NPSR1: variants seen among roughly 807,000 people sequenced by gnomAD.
The protein encoded by NPSR1 is neuropeptide S receptor 1.
NPSR1 carries 48 observed loss-of-function variants against 46.9 expected under a neutral mutation model. The ratio of observed to expected loss-of-function variants is 1.02; its 90% CI spans 0.81 to 1.30. The LOEUF (loss-of-function observed/expected upper bound fraction) is 1.30, where lower values mean the gene tolerates loss of function less well. NPSR1 is among the 50% of genes most tolerant of loss of function. NPSR1 has a pLI of 0.00. For missense variants in NPSR1, 450 were observed against 449.5 expected, an observed-to-expected ratio of 1.00 and a Z score of -0.01; for synonymous variants, 176 against 168.1, an observed-to-expected ratio of 1.05 and a Z score of -0.36.
chr7:34,672,791 G>A (rs1474329532), intron 1 of NPSR1, among the ~76,000 whole-genome samples: 1 of 152,156 alleles, frequency 6.6e-6, no homozygotes, highest in Non-Finnish European at 1.5e-5. Context: ...GGCAATTCAG[G>A]TGAAGACAAC....
At position 34,857,304 on chromosome 7, in the gene NPSR1, C is replaced by T. The variant is rs570001301; in HGVS notation, c.1025+8641C>T. Among the ~76,000 whole-genome samples, 8 of 151,570 alleles carry T rather than the reference C, an allele frequency of 5.3e-5. No individual in the cohort carries two copies. The South Asian group carries it at 6.2e-4, about 12-fold the overall frequency. On this transcript the variant is annotated intron_variant, in intron 8 of 8. Coordinates refer to the NPSR1 transcript ENST00000359791. ...AAATGCAAAGGGCCAAAAATAGCCACGACACTGTTGACTAAAAAGGAAAAA... is the reference window on the plus strand; with the variant it reads ...AAATGCAAAGGGCCAAAAATAGCCATGACACTGTTGACTAAAAAGGAAAAA...
At chr7:34,874,970 G>C (rs1008636400) in intron 8 of NPSR1, among the ~76,000 whole-genome samples, 1 of 152,136 alleles carries the variant, frequency 6.6e-6, no homozygotes, top group Admixed American at 6.5e-5. Flanking sequence ...CTCCTGGGAA[G>C]TACTTCCTCT....
chr7:34,682,161 A>G (rs1792673358), intron 1 of NPSR1, among the ~76,000 whole-genome samples: 1 of 152,164 alleles, frequency 6.6e-6, no homozygotes, highest in African/African-American at 2.4e-5. Context: ...TCCCTAGAAG[A>G]CTCAGAATGT....
intron 2 of NPSR1, among the ~76,000 whole-genome samples, chr7:34,744,477 A>G (rs574264370): frequency 1.8e-4 from 27 of 152,236 alleles, no homozygotes; most frequent in South Asian, 8.3e-4. Flanking sequence ...AAGGACCCCA[A>G]TTTTGCTGGG....
At position 34,732,079 on chromosome 7, in the gene NPSR1, CAAAAAA is replaced by C. The variant is rs535991989; in HGVS notation, c.281-46364_281-46359del. Among the ~76,000 whole-genome samples the C allele has an allele frequency of 3.9e-4, 37 of 93,888 alleles. No individual in the cohort carries two copies. The South Asian group carries it at 4.1e-3, about 10-fold the overall frequency. 61.6% of individuals were successfully genotyped at this position (93,888 alleles called of 152,430 possible). On this transcript the variant is annotated intron_variant, in intron 2 of 8. Coordinates refer to ENST00000360581, the MANE Select transcript of NPSR1 (RefSeq NM_207172.2). ...TGGGTGACAGAGTGAGACTTCATCT[CAAAAAA>C]AAAAAAAAAAAAAAAAAATAGCAAC... is the stretch of plus-strand genomic sequence containing the variant.
intron 6 of NPSR1, among the ~76,000 whole-genome samples, chr7:34,842,022 C>G (rs1052307355): frequency 6.6e-6 from 1 of 152,156 alleles, no homozygotes; most frequent in Non-Finnish European, 1.5e-5. Context: ...CGTAATAATA[C>G]CTTCTGTTCA....
intron 8 of NPSR1, among the ~76,000 whole-genome samples, chr7:34,857,265 T>C (rs866717215): frequency 1.3e-5 from 2 of 151,694 alleles, no homozygotes; most frequent in Non-Finnish European, 1.5e-5. Flanking sequence ...AAGTTGTCTC[T>C]AAAATTTATA....
At chr7:34,866,110 C>T (rs956075350) in intron 8 of NPSR1, among the ~76,000 whole-genome samples, 49 of 151,854 alleles carry the variant, frequency 3.2e-4, no homozygotes, top group Non-Finnish European at 8.8e-5. Flanking sequence ...AGGGACAATA[C>T]CCTGCATAGC....
intron 2 of NPSR1, among the ~76,000 whole-genome samples, chr7:34,767,546 C>T (rs867102901): frequency 6.6e-6 from 1 of 151,962 alleles, no homozygotes; most frequent in African/African-American, 2.4e-5. Context: ...GAAGATAGAT[C>T]CATAAAAATT....
At position 34,811,776 on chromosome 7, in the gene NPSR1, C is replaced by T; in HGVS notation, c.391C>T (p.Leu131=). Residue 131 remains leucine, a synonymous_variant, in exon 4 of 9, where the codon CTG becomes TTG. Transcript: ENST00000360581. ...CRVVRYLQVV[L]LYASTYVLVS... ...CTCTCATTTCTGTCTTTAGGTTGTGCTGCTCTACGCCTCTACCTACGTCCT... is the reference window on the plus strand; with the variant it reads ...CTCTCATTTCTGTCTTTAGGTTGTGTTGCTCTACGCCTCTACCTACGTCCT... 6.2e-7 allele frequency: 1 copy of T among 1,609,012 alleles called. No homozygotes were observed. Among genetic ancestry groups the T allele is most frequent in the Non-Finnish European group, 8.5e-7 (1 of 1,177,028 alleles).
intron 2 of NPSR1, among the ~76,000 whole-genome samples, chr7:34,694,521 C>T (rs1180403870): frequency 6.6e-6 from 1 of 152,094 alleles, no homozygotes; most frequent in East Asian, 1.9e-4. Context: ...TTGTAGATAA[C>T]ACACATGACT....
chr7:34,673,874 G>C (rs35463932), intron 1 of NPSR1, among the ~76,000 whole-genome samples: 222 of 152,208 alleles, frequency 1.5e-3, no homozygotes, highest in African/African-American at 5.0e-3. Flanking sequence ...ACAATCCTGG[G>C]TAATCCAGGA....
At chr7:34,824,716 G>T (rs1789738741) in intron 4 of NPSR1, among the ~76,000 whole-genome samples, 1 of 145,568 alleles carries the variant, frequency 6.9e-6, no homozygotes, top group Non-Finnish European at 1.5e-5. Context: ...TGGAAACTTT[G>T]TGGGGCCCAG....
At chr7:34,671,342 G>A (rs1355838426) in intron 1 of NPSR1, among the ~76,000 whole-genome samples, 1 of 152,094 alleles carries the variant, frequency 6.6e-6, no homozygotes, top group Non-Finnish European at 1.5e-5. Flanking sequence ...TTTCTAGAGT[G>A]AGCACATATT....
At chr7:34,692,151 TA>T (rs869275120) in intron 2 of NPSR1, among the ~76,000 whole-genome samples, 1 of 151,032 alleles carries the variant, frequency 6.6e-6, no homozygotes, top group East Asian at 2.0e-4. Context: ...CGAAACAAAA[TA>T]AAAAGAAAGA....
At chr7:34,783,223 G>T (rs974833113) in intron 3 of NPSR1, among the ~76,000 whole-genome samples, 6 of 152,126 alleles carry the variant, frequency 3.9e-5, no homozygotes, top group Non-Finnish European at 7.4e-5. Context: ...TAATTTATAA[G>T]GGAAAGAGCT....
chr7:34,798,953 A>G (rs1297482178), intron 3 of NPSR1, among the ~76,000 whole-genome samples: 1 of 152,178 alleles, frequency 6.6e-6, no homozygotes, highest in East Asian at 1.9e-4. Flanking sequence ...ATGCAGTAAA[A>G]GCAGTTCTTT....
At chr7:34,841,348 A>G (rs1352596148) in intron 6 of NPSR1, among the ~76,000 whole-genome samples, 2 of 152,178 alleles carry the variant, frequency 1.3e-5, no homozygotes, top group African/African-American at 4.8e-5. Context: ...TGGTCTTGGG[A>G]AGGTGAAGAG....
At chr7:34,805,567 C>G (rs987193874) in intron 3 of NPSR1, among the ~76,000 whole-genome samples, 7 of 149,992 alleles carry the variant, frequency 4.7e-5, no homozygotes, top group African/African-American at 1.5e-4. Flanking sequence ...TAACATAATG[C>G]TCAATACTAT....
Sources: gnomAD v4.1 joint callset for allele counts (sites outside exome capture counted in the v4.1 genomes callset) on GRCh38, gnomAD v4.1.1 for gene constraint, MANE v1.5 for transcripts, NCBI Gene and HGNC (gene_info 2026-07-23, HGNC 2026-07-21) for gene names.